Variants in KIF24 observed in about 807,000 individuals in gnomAD.
The protein encoded by KIF24 is kinesin-like protein KIF24.
Under a neutral mutation model 118.9 loss-of-function variants are expected in KIF24, and 81 were observed. That is an observed-to-expected ratio of 0.68 (90% confidence interval 0.57 to 0.82). The LOEUF is 0.82. KIF24 is among the 40% of genes least tolerant of loss of function. The pLI, the probability that KIF24 is intolerant of heterozygous loss-of-function variation, is 0.00. For missense variants in KIF24, 1,560 were observed against 1,661.6 expected, an observed-to-expected ratio of 0.94 and a Z score of 1.06; for synonymous variants, 599 against 610.0, an observed-to-expected ratio of 0.98 and a Z score of 0.27.
chr9:34,300,977 C>T (rs2131786470), intron 3 of KIF24, among the ~76,000 whole-genome samples: 1 of 151,856 alleles, frequency 6.6e-6, no homozygotes, highest in South Asian at 2.1e-4. Flanking sequence ...TCATGGATAG[C>T]TTTAGCTTTT....
chr9:34,291,529 T>C (rs1836254276), intron 4 of KIF24, among the ~76,000 whole-genome samples: 1 of 152,220 alleles, frequency 6.6e-6, no homozygotes, highest in African/African-American at 2.4e-5. Flanking sequence ...TAAGTGAGAA[T>C]CATTGCTCTT....
intron 1 of KIF24, among the ~76,000 whole-genome samples, chr9:34,316,427 TAG>T (rs1837332394): frequency 6.6e-6 from 1 of 152,162 alleles, no homozygotes; most frequent in South Asian, 2.1e-4. Context: ...TATGTGGCCA[TAG>T]AGCCATTTTC....
At chr9:34,268,759 T>C (rs1356151916) in intron 8 of KIF24, among the ~76,000 whole-genome samples, 24 of 151,624 alleles carry the variant, frequency 1.6e-4, no homozygotes, top group Admixed American at 1.6e-3. Flanking sequence ...CCACCTGCCC[T>C]GGCCTCCCAA....
At chr9:34,319,524 C>G (rs1214651690) in intron 1 of KIF24, 3 of 1,213,056 alleles carry the variant, frequency 2.5e-6, no homozygotes, top group African/African-American at 3.0e-5. Flanking sequence ...GAGCAAGGAG[C>G]TGCGCAGCCC....
intron 6 of KIF24, among the ~76,000 whole-genome samples, chr9:34,283,877 A>G (rs1835943769): frequency 6.6e-6 from 1 of 152,200 alleles, no homozygotes; most frequent in African/African-American, 2.4e-5. Context: ...AAAATTCAAA[A>G]TATCTATCAA....
chr9:34,297,197 C>A, intron 3 of KIF24, 83 bp from the exon 4 acceptor site: 1 of 741,498 alleles, frequency 1.3e-6, no homozygotes, highest in Non-Finnish European at 2.3e-6. Flanking sequence ...TGATAAATGC[C>A]AAAATATGTC....
At chr9:34,263,595 C>A (rs1040961922) in intron 8 of KIF24, among the ~76,000 whole-genome samples, 1 of 152,182 alleles carries the variant, frequency 6.6e-6, no homozygotes, top group African/African-American at 2.4e-5. Context: ...CCTGCTCACA[C>A]ATGCACACCC....
chr9:34,289,438 G>T (rs917776730), intron 5 of KIF24, among the ~76,000 whole-genome samples: 2 of 152,138 alleles, frequency 1.3e-5, no homozygotes, highest in Non-Finnish European at 2.9e-5. Flanking sequence ...AGGAGGCTCA[G>T]CCTCAATTCA....
chr9:34,281,542 G>C (rs1423580671), intron 6 of KIF24, among the ~76,000 whole-genome samples: 1 of 152,100 alleles, frequency 6.6e-6, no homozygotes, highest in East Asian at 1.9e-4. Flanking sequence ...GACTAAATGG[G>C]GTAATATTTG....
At chr9:34,323,510 G>C (rs184994782) in intron 1 of KIF24, among the ~76,000 whole-genome samples, 23 of 152,288 alleles carry the variant, frequency 1.5e-4, no homozygotes, top group African/African-American at 5.5e-4. Context: ...ACCAATGTTG[G>C]GTTTAAATTC....
intron 1 of KIF24, among the ~76,000 whole-genome samples, chr9:34,328,140 A>G (rs1371256934): frequency 6.6e-6 from 1 of 152,228 alleles, no homozygotes; most frequent in African/African-American, 2.4e-5. Flanking sequence ...AAACAGTCTT[A>G]GGAACGCAAT....
chr9:34,263,405 C>T (rs1835167869), intron 8 of KIF24, among the ~76,000 whole-genome samples: 1 of 152,128 alleles, frequency 6.6e-6, no homozygotes, highest in Non-Finnish European at 1.5e-5. Context: ...GGCTGGGATC[C>T]TAGGACTGCC....
Position 34,257,649 on chromosome 9 carries a change from C to T in KIF24, c.1958G>A (p.Arg653His), listed in dbSNP as rs757113460. 9.3e-6 allele frequency: 15 copies of T among 1,613,930 alleles called. No individual in the cohort carries two copies. The East Asian group carries it at 2.7e-4, about 29-fold the overall frequency. ...IHASPVKGTV[R>H]SGHVAKKKPE... ...CTTTTTTTTGGCCACATGTCCAGAG[C>T]GCACAGTTCCTTTCACAGGGCTAGC... Residue 653 changes from arginine (R) to histidine (H), a missense_variant, in exon 11 of 13, where the codon CGC becomes CAC. Physicochemically the swap from Arg to His is conservative, Grantham distance 29. This residue lies in a region of KIF24 where 964 missense variants were observed against 988.0 expected (regional missense o/e 0.98). Transcript: ENST00000402558.
chr9:34,299,626 TAACCCCAA>T, intron 3 of KIF24, among the ~76,000 whole-genome samples: 1 of 152,096 alleles, frequency 6.6e-6, no homozygotes, highest in African/African-American at 2.4e-5. Context: ...TTAGAATAGG[TAACCCCAA>T]TTGCCTTCAT....
At chr9:34,304,102 GAA>G (rs1275997050) in intron 3 of KIF24, among the ~76,000 whole-genome samples, 1 of 152,114 alleles carries the variant, frequency 6.6e-6, no homozygotes, top group Non-Finnish European at 1.5e-5. Context: ...AACAAGATTT[GAA>G]AAGATAGGAC....
intron 1 of KIF24, among the ~76,000 whole-genome samples, chr9:34,314,173 G>A (rs187453633): frequency 2.6e-4 from 39 of 150,930 alleles, no homozygotes; most frequent in African/African-American, 8.8e-4. Flanking sequence ...GTTGTTTATT[G>A]TTTGTTTTTT....
At chr9:34,270,249 G>A (rs1162015174) in intron 7 of KIF24, among the ~76,000 whole-genome samples, 2 of 151,542 alleles carry the variant, frequency 1.3e-5, no homozygotes, top group Non-Finnish European at 2.9e-5. Context: ...GGGCATGGTG[G>A]CTCATGCCTG....
Position 34,310,418 on chromosome 9 carries a change from A to C in KIF24, c.623+306T>G, listed in dbSNP as rs1008405793. Among the ~76,000 whole-genome samples, 4 of 152,116 alleles carry C rather than the reference A, an allele frequency of 2.6e-5. No homozygotes were observed. In the South Asian group the frequency reaches 8.3e-4, roughly 31 times the overall value. ...TTAACTATTTCACTTTCACAGATGT[A>C]CTAGATGTATCATGTTACGCTATAA... On this transcript the variant is annotated intron_variant, in intron 2 of 12. Coordinates refer to ENST00000402558, the MANE Select transcript of KIF24 (RefSeq NM_194313.4).
intron 2 of KIF24, among the ~76,000 whole-genome samples, chr9:34,307,994 AG>A (rs1334960214): frequency 6.6e-6 from 1 of 152,056 alleles, no homozygotes; most frequent in Non-Finnish European, 1.5e-5. Context: ...GTTTTGAGAC[AG>A]GGTCTTGCTC....
Sources: gnomAD v4.1 joint callset for allele counts (sites outside exome capture counted in the v4.1 genomes callset) on GRCh38, gnomAD v4.1.1 for gene constraint, gnomAD v4.1.1 regional missense constraint, MANE v1.5 for transcripts, NCBI Gene and HGNC (gene_info 2026-07-23, HGNC 2026-07-21) for gene names.